PCBP3: variants seen among roughly 807,000 people sequenced by gnomAD.
PCBP3 encodes poly(rC)-binding protein 3.
PCBP3 carries 25 observed loss-of-function variants against 52.7 expected under a neutral mutation model. That is an observed-to-expected ratio of 0.47 (90% CI 0.35 to 0.66). PCBP3 has a LOEUF of 0.66. PCBP3 is among the 30% of genes least tolerant of loss of function. PCBP3 has a pLI of 0.01. For missense variants in PCBP3, 391 were observed against 490.3 expected, an observed-to-expected ratio of 0.80 and a Z score of 1.91; for synonymous variants, 162 against 183.0, an observed-to-expected ratio of 0.89 and a Z score of 0.93.
At chr21:45,907,745 C>T (rs1449963319) in intron 9 of PCBP3, among the ~76,000 whole-genome samples, 3 of 151,180 alleles carry the variant, frequency 2.0e-5, no homozygotes, top group Non-Finnish European at 4.4e-5. Flanking sequence ...GTTGCCTATT[C>T]GCCTGGCTCT....
Position 45,788,699 on chromosome 21 carries a change from C to G in PCBP3, c.-126+33247C>G, listed in dbSNP as rs1236883547. 6.6e-6 allele frequency: 1 copy of G among 152,164 alleles called. No homozygotes were observed. Among genetic ancestry groups the G allele is most frequent in the Non-Finnish European group, 1.5e-5 (1 of 68,050 alleles). The allele number at this position is 152,164 out of a possible 1,614,324, so 9.4% of individuals were successfully genotyped here. A position where few individuals can be genotyped will look rare whatever the true frequency, so the allele number is the denominator to read the frequency against. ...CCCTCAGAGACGATGCTAACGGCCT[C>G]TCAGATGCTGACCTGCTTCATGTCT... On this transcript the variant is annotated intron_variant, in intron 4 of 17. Transcript: ENST00000681687. This position sits in a 1 kb window ranked among gnomAD's most constrained non-coding sequence, Gnocchi z 4.3.
At chr21:45,824,961 G>A (rs537358641) in intron 4 of PCBP3, among the ~76,000 whole-genome samples, 6 of 152,308 alleles carry the variant, frequency 3.9e-5, no homozygotes, top group South Asian at 2.1e-4. Flanking sequence ...GTACAACTTC[G>A]TTTGAAAGAA....
chr21:45,789,250 T>C (rs1307563207), intron 4 of PCBP3, among the ~76,000 whole-genome samples: 1 of 151,982 alleles, frequency 6.6e-6, no homozygotes, highest in Non-Finnish European at 1.5e-5. Flanking sequence ...TGTGTGCACG[T>C]GTGTGTGTGA....
chr21:45,646,878 C>T (rs1325901698), intron 1 of PCBP3, among the ~76,000 whole-genome samples: 2 of 152,170 alleles, frequency 1.3e-5, no homozygotes, highest in African/African-American at 2.4e-5. Flanking sequence ...CCTTTCCTGG[C>T]GATGGGATCT....
At chr21:45,836,558 G>A (rs1246947872) in intron 4 of PCBP3, 1 of 150,934 alleles carries the variant, frequency 6.6e-6, no homozygotes, top group Non-Finnish European at 1.5e-5. Context: ...CAGTATATTC[G>A]TTAAAATGTT....
chr21:45,748,596 G>A (rs1381126247), intron 3 of PCBP3, among the ~76,000 whole-genome samples: 1 of 152,238 alleles, frequency 6.6e-6, no homozygotes, highest in African/African-American at 2.4e-5. Flanking sequence ...TGCCCTTGCA[G>A]CAAACCCAAG....
intron 5 of PCBP3, among the ~76,000 whole-genome samples, chr21:45,886,451 A>G (rs1603466622): frequency 9.8e-6 from 1 of 102,088 alleles, no homozygotes; most frequent in Non-Finnish European, 2.0e-5. Flanking sequence ...GGATGTGGTG[A>G]GGTGTGGAGG....
chr21:45,861,430 C>A (rs1229933733), intron 5 of PCBP3, among the ~76,000 whole-genome samples: 1 of 152,164 alleles, frequency 6.6e-6, no homozygotes, highest in Non-Finnish European at 1.5e-5. Flanking sequence ...ACAGCCTGGG[C>A]CCTTGCCAGC....
Position 45,724,557 on chromosome 21 carries a change from C to G in PCBP3, c.-199-10835C>G, listed in dbSNP as rs1350815665. On this transcript the variant is annotated intron_variant, in intron 2 of 17. Transcript: ENST00000681687. This position sits in a 1 kb window ranked among gnomAD's most constrained non-coding sequence, Gnocchi z 5.3. ...GCTGCCTTCATGGTGGCGGGCCAGGCTGCTCTGTAACACGAACATTAAAAC... is the reference window on the plus strand; with the variant it reads ...GCTGCCTTCATGGTGGCGGGCCAGGGTGCTCTGTAACACGAACATTAAAAC... Among the ~76,000 whole-genome samples, 1 of 152,220 alleles carries G rather than the reference C, an allele frequency of 6.6e-6. No homozygotes were observed. The highest frequency in any genetic ancestry group is 1.5e-5 in the Non-Finnish European group (1 of 68,044).
chr21:45,887,914 G>A (rs1466407206), intron 5 of PCBP3, among the ~76,000 whole-genome samples: 1 of 152,224 alleles, frequency 6.6e-6, no homozygotes, highest in Admixed American at 6.5e-5. Flanking sequence ...AGAGAGACGA[G>A]CCAGACTCTG....
chr21:45,768,551 C>T (rs548688311), intron 4 of PCBP3, among the ~76,000 whole-genome samples: 26 of 152,306 alleles, frequency 1.7e-4, no homozygotes, highest in African/African-American at 6.0e-4. Context: ...TGATAGCTTC[C>T]TGGTAATTCA....
Position 45,690,986 on chromosome 21 carries a change from G to A in PCBP3, c.-200+22034G>A, listed in dbSNP as rs1047691107. On this transcript the variant is annotated intron_variant, in intron 2 of 17. Coordinates refer to ENST00000681687, the MANE Select transcript of PCBP3 (RefSeq NM_001384156.1). Reference sequence around the variant, plus strand: ...AAAGCTAAATACCGTAGCACTTACCGTATACCACCTAACCATTCCGCTCCC... The same window carrying A: ...AAAGCTAAATACCGTAGCACTTACCATATACCACCTAACCATTCCGCTCCC... Among the ~76,000 whole-genome samples, 8 of 152,146 alleles carry A rather than the reference G, an allele frequency of 5.3e-5. No individual in the cohort carries two copies. In the East Asian group the frequency reaches 7.7e-4, roughly 15 times the overall value.
Position 45,669,341 on chromosome 21 carries a change from T to TA in PCBP3, c.-200+397dup, listed in dbSNP as rs1009357024. Among the ~76,000 whole-genome samples the TA allele has an allele frequency of 1.4e-4, 22 of 152,066 alleles. 1 individual carries two copies. Among genetic ancestry groups the TA allele is most frequent in the African/African-American group, 4.6e-4 (19 of 41,496 alleles). ...ACTTTATAACTTTTCAGTTTTAGAT[T>TA]AAAAAAAATTGAAACTGTTACTTTT... On this transcript the variant is annotated intron_variant, in intron 2 of 17. Transcript: ENST00000681687.
At chr21:45,906,771 C>T (rs986659826) in intron 9 of PCBP3, among the ~76,000 whole-genome samples, 7 of 152,170 alleles carry the variant, frequency 4.6e-5, no homozygotes, top group Non-Finnish European at 8.8e-5. Context: ...CGTTTTCAGG[C>T]AAAGTCTCTG....
In PCBP3 at chr21:45,827,393, A is replaced by G. The variant is rs1279802042; in HGVS notation, c.-125-22568A>G. On this transcript the variant is annotated intron_variant, in intron 4 of 17. Transcript: ENST00000681687. The surrounding 1 kb of genome is among the most constrained non-coding windows in gnomAD (Gnocchi z 4.3). The stretch of plus-strand genomic sequence containing the variant: ...CAACTGCAGGTCCTCACACACGCCA[A>G]GAACCAGGAAGACTCCAGTTCAGCT... Among the ~76,000 whole-genome samples the G allele has an allele frequency of 6.6e-6, 1 of 152,210 alleles. No homozygotes were observed. The highest frequency in any genetic ancestry group is 1.5e-5 in the Non-Finnish European group (1 of 68,046).
chr21:45,690,894 A>G (rs61329313), intron 2 of PCBP3, among the ~76,000 whole-genome samples: 35,092 of 152,084 alleles, frequency 0.23, 4,841 homozygotes, highest in African/African-American at 0.38. Flanking sequence ...AACTGGATCC[A>G]TCACACAGGG....
chr21:45,658,833 A>G (rs947826565), intron 1 of PCBP3, among the ~76,000 whole-genome samples: 1 of 151,920 alleles, frequency 6.6e-6, no homozygotes, highest in Non-Finnish European at 1.5e-5. Flanking sequence ...TAAAATACTG[A>G]ATATCTTTAC....
At chr21:45,740,032 G>A (rs897935370) in intron 3 of PCBP3, among the ~76,000 whole-genome samples, 7 of 152,196 alleles carry the variant, frequency 4.6e-5, no homozygotes, top group African/African-American at 1.7e-4. Context: ...TTTTGCCTGA[G>A]TCCATTCTGT....
At chr21:45,707,075 T>C (rs538696262) in intron 2 of PCBP3, among the ~76,000 whole-genome samples, 10 of 152,300 alleles carry the variant, frequency 6.6e-5, no homozygotes, top group African/African-American at 1.4e-4. Flanking sequence ...ACGTACATTA[T>C]TGATAGCAGG....
Sources: gnomAD v4.1 joint callset for allele counts (sites outside exome capture counted in the v4.1 genomes callset) on GRCh38, gnomAD v4.1.1 for gene constraint, Gnocchi (gnomAD v3.1) non-coding constraint, MANE v1.5 for transcripts, NCBI Gene and HGNC (gene_info 2026-07-23, HGNC 2026-07-21) for gene names.